The following MAF variants were observed in gnomAD, a reference collection of about 807,000 sequenced individuals.
The protein encoded by MAF is transcription factor Maf.
A neutral mutation model predicts 22.0 loss-of-function variants in MAF; 10 were observed. The ratio of observed to expected loss-of-function variants is 0.45; its 90% CI spans 0.28 to 0.77. MAF has a LOEUF of 0.77. Among genes scored for constraint, MAF ranks in the 30% least tolerant of loss-of-function variants. The pLI, the probability that MAF is intolerant of heterozygous loss-of-function variation, is 0.12. For missense variants in MAF, 544 were observed against 548.4 expected (o/e 0.99, Z 0.08); for synonymous variants, 337 against 255.8 (o/e 1.32, Z -3.03).
At position 79,599,327 on chromosome 16, in the gene MAF, G is replaced by C; in HGVS notation, c.576C>G (p.His192Gln). 1 of 986,772 alleles carries C rather than the reference G, an allele frequency of 1.0e-6. No individual in the cohort carries two copies. The highest frequency in any genetic ancestry group is 1.2e-6 in the Non-Finnish European group (1 of 832,506). 61.1% of individuals were successfully genotyped at this position (986,772 alleles called of 1,614,324 possible). The change falls in exon 1 of 2, where the codon CAC becomes CAG. Residue 192 changes from histidine (H) to glutamine (Q), a missense_variant. Physicochemically the swap from His to Gln is conservative, Grantham distance 24. Around this residue, in one of 5 missense-constraint regions of MAF, gnomAD observed 342 missense variants for 315.5 expected, o/e 1.08. Coordinates refer to ENST00000326043, the MANE Select transcript of MAF (RefSeq NM_005360.5). ...HHHHHHAAGH[H>Q]HHPTAGAPGA... The stretch of plus-strand genomic sequence containing the variant: ...CGGGCGCGCCGGCCGTCGGGTGGTG[G>C]TGGTGGCCGGCGGCGTGGTGGTGGT...
chr16:79,569,642 A>G, the MAF span, among the ~76,000 whole-genome samples: 1 of 152,248 alleles, frequency 6.6e-6, no homozygotes, highest in African/African-American at 2.4e-5. Flanking sequence ...CTCGTGCCTT[A>G]GAACAGTGCT....
At chr16:79,537,541 C>G in the MAF span, among the ~76,000 whole-genome samples, 1 of 152,310 alleles carries the variant, frequency 6.6e-6, no homozygotes, top group Non-Finnish European at 1.5e-5. Context: ...GCCTATGTTC[C>G]TGACCGAACC....
chr16:79,358,468 C>T, the MAF span, among the ~76,000 whole-genome samples: 1 of 152,126 alleles, frequency 6.6e-6, no homozygotes, highest in Non-Finnish European at 1.5e-5. Flanking sequence ...CCCAGCAGAG[C>T]TACTTGATCC....
chr16:79,518,692 C>A, the MAF span, among the ~76,000 whole-genome samples: 1 of 152,194 alleles, frequency 6.6e-6, no homozygotes, highest in African/African-American at 2.4e-5. Context: ...AAAACAGTGC[C>A]TGGCATATAA....
At chr16:79,342,632 G>A in the MAF span, among the ~76,000 whole-genome samples, 3 of 142,300 alleles carry the variant, frequency 2.1e-5, no homozygotes, top group Non-Finnish European at 4.8e-5. Context: ...CACCACCACT[G>A]TCACCATTAC....
the MAF span, among the ~76,000 whole-genome samples, chr16:79,312,964 A>G: frequency 1.3e-5 from 2 of 152,180 alleles, no homozygotes; most frequent in African/African-American, 2.4e-5. Flanking sequence ...GGATGAGATG[A>G]GATGGGGACA....
the MAF span, chr16:79,212,451 CAA>C: frequency 2.3e-5 from 6 of 256,278 alleles, no homozygotes; most frequent in Non-Finnish European, 4.5e-5. Flanking sequence ...GAGATTATAA[CAA>C]ATTTTTCAAA....
the MAF span, among the ~76,000 whole-genome samples, chr16:79,500,923 T>A: frequency 2.0e-5 from 3 of 152,088 alleles, no homozygotes; most frequent in Non-Finnish European, 4.4e-5. Context: ...TTAGGGAAAA[T>A]TCACCGCCAT....
At chr16:79,240,538 C>T in the MAF span, among the ~76,000 whole-genome samples, 1 of 145,860 alleles carries the variant, frequency 6.9e-6, no homozygotes, top group East Asian at 2.0e-4. Flanking sequence ...GGCAGCAGCC[C>T]CAGTTAGGGG....
At chr16:79,507,599 G>T in the MAF span, among the ~76,000 whole-genome samples, 1 of 151,586 alleles carries the variant, frequency 6.6e-6, no homozygotes, top group East Asian at 2.0e-4. Context: ...TAATTTTTTT[G>T]TATTTTTAGT....
At chr16:79,560,358 T>C in the MAF span, among the ~76,000 whole-genome samples, 2 of 151,994 alleles carry the variant, frequency 1.3e-5, no homozygotes, top group Non-Finnish European at 2.9e-5. Flanking sequence ...TCTGGACATT[T>C]CAAATTAAGT....
chr16:79,332,446 G>A, the MAF span, among the ~76,000 whole-genome samples: 486 of 152,208 alleles, frequency 3.2e-3, 1 homozygote, highest in Non-Finnish European at 4.5e-3. Context: ...GATTACAGGC[G>A]TGCACCACCA....
At chr16:79,206,606 C>T in the MAF span, 1 of 152,204 alleles carries the variant, frequency 6.6e-6, no homozygotes, top group Non-Finnish European at 1.5e-5. Flanking sequence ...TCGTTGGCTA[C>T]AACTCACTGA....
chr16:79,289,813 T>A, the MAF span, among the ~76,000 whole-genome samples: 3 of 151,070 alleles, frequency 2.0e-5, no homozygotes, highest in African/African-American at 7.3e-5. Context: ...AGGCAGGCTG[T>A]CCCCTCAGGG....
chr16:79,203,586 A>G, the MAF span: 4 of 151,860 alleles, frequency 2.6e-5, no homozygotes, highest in Non-Finnish European at 5.9e-5. Context: ...CAACCTTAAA[A>G]TCTAAACAAA....
the MAF span, among the ~76,000 whole-genome samples, chr16:79,355,654 TCTAAA>T: frequency 2.0e-5 from 3 of 152,204 alleles, no homozygotes; most frequent in Admixed American, 6.5e-5. Flanking sequence ...TTCTTTGGAA[TCTAAA>T]CTAAAGTTGT....
At chr16:79,267,016 T>C in the MAF span, among the ~76,000 whole-genome samples, 3 of 152,220 alleles carry the variant, frequency 2.0e-5, no homozygotes, top group Non-Finnish European at 4.4e-5. Flanking sequence ...TGAGTTACCA[T>C]AGTTATTTAC....
chr16:79,384,274 T>A, the MAF span, among the ~76,000 whole-genome samples: 1 of 151,826 alleles, frequency 6.6e-6, no homozygotes, highest in Non-Finnish European at 1.5e-5. Context: ...TGAAACCCCA[T>A]CTATACTAAA....
At chr16:79,465,093 T>C in the MAF span, among the ~76,000 whole-genome samples, 24 of 152,338 alleles carry the variant, frequency 1.6e-4, no homozygotes, top group East Asian at 4.2e-3. Context: ...AACCATCCTA[T>C]GAGGGTTCAA....
Sources: gnomAD v4.1 joint callset for allele counts (sites outside exome capture counted in the v4.1 genomes callset) on GRCh38, gnomAD v4.1.1 for gene constraint, gnomAD v4.1.1 regional missense constraint, MANE v1.5 for transcripts, NCBI Gene and HGNC (gene_info 2026-07-23, HGNC 2026-07-21) for gene names.